The following CMC1 variants were observed in gnomAD, a reference collection of about 807,000 sequenced individuals.
CMC1 encodes COX assembly mitochondrial protein homolog.
CMC1 carries 14 observed loss-of-function variants against 14.1 expected under a neutral mutation model. That is an observed-to-expected ratio of 0.99 (90% confidence interval 0.66 to 1.55). The LOEUF is 1.55. CMC1 is among the 40% of genes most tolerant of loss of function. The pLI is 0.00. For synonymous variants in CMC1, 50 were observed against 38.4 expected, an observed-to-expected ratio of 1.30 and a Z score of -1.12; for missense variants, 127 against 123.8, an observed-to-expected ratio of 1.03 and a Z score of -0.12.
intron 1 of CMC1, among the ~76,000 whole-genome samples, chr3:28,254,047 A>C (rs1200574969): frequency 6.6e-6 from 1 of 152,202 alleles, no homozygotes. Flanking sequence ...GCCAGTGAAA[A>C]AGGTGAAAAT....
chr3:28,283,830 G>A (rs147062390), intron 2 of CMC1, among the ~76,000 whole-genome samples: 2 of 152,234 alleles, frequency 1.3e-5, no homozygotes, highest in Admixed American at 1.3e-4. Flanking sequence ...TACACAGACT[G>A]AACTAGACCA....
At chr3:28,302,218 A>G (rs1051333891) in intron 2 of CMC1, among the ~76,000 whole-genome samples, 4 of 152,198 alleles carry the variant, frequency 2.6e-5, no homozygotes, top group African/African-American at 9.6e-5. Context: ...TGTGTCACTA[A>G]AAACACGGAT....
intron 1 of CMC1, among the ~76,000 whole-genome samples, chr3:28,246,700 T>G (rs111920822): frequency 2.0e-4 from 30 of 152,250 alleles, no homozygotes; most frequent in African/African-American, 7.0e-4. Context: ...TTGCCGTATT[T>G]TCTCTGTTTT....
chr3:28,311,032 A>G (rs1032755719), intron 2 of CMC1, among the ~76,000 whole-genome samples: 2 of 152,212 alleles, frequency 1.3e-5, no homozygotes, highest in Admixed American at 1.3e-4. Context: ...CTAACAGGCC[A>G]TGGAGTAGTA....
intron 2 of CMC1, among the ~76,000 whole-genome samples, chr3:28,265,336 T>C (rs568070074): frequency 2.6e-5 from 4 of 152,272 alleles, no homozygotes; most frequent in Non-Finnish European, 5.9e-5. Context: ...TTTCTAACCA[T>C]ATAAATTAGG....
intron 2 of CMC1, among the ~76,000 whole-genome samples, chr3:28,291,480 CTG>C (rs1227341253): frequency 6.6e-6 from 1 of 152,090 alleles, no homozygotes; most frequent in East Asian, 1.9e-4. Flanking sequence ...TTTATTAGCA[CTG>C]TTACAGATTT....
intron 1 of CMC1, among the ~76,000 whole-genome samples, chr3:28,253,230 A>G (rs916517349): frequency 6.6e-6 from 1 of 152,170 alleles, no homozygotes. Context: ...ATTGTATTGT[A>G]TATCATGCCT....
chr3:28,255,722 T>TACACACAC (rs372487968), intron 1 of CMC1, among the ~76,000 whole-genome samples: 19,769 of 144,154 alleles, frequency 0.14, 1,446 homozygotes, highest in Admixed American at 0.22. Context: ...TACATGTACA[T>TACACACAC]ACACACACAC....
Position 28,324,691 on chromosome 3 carries a change from T to C in CMC1, c.*5062T>C. 1 of 360,172 alleles carries C rather than the reference T, an allele frequency of 2.8e-6. No individual in the cohort carries two copies. The highest frequency in any genetic ancestry group is 5.0e-6 in the Non-Finnish European group (1 of 200,520). 22.3% of individuals were successfully genotyped at this position (360,172 alleles called of 1,614,324 possible). ...TCTCTTAGCTGCTCCTGATGTCTCT[T>C]TCCTTGTCTGCAGAATGGATATAGA... On this transcript the variant is annotated 3_prime_UTR_variant, in exon 4 of 4. Transcript: ENST00000466830.
At chr3:28,271,208 C>T (rs1330543214) in intron 2 of CMC1, among the ~76,000 whole-genome samples, 3 of 152,086 alleles carry the variant, frequency 2.0e-5, no homozygotes, top group African/African-American at 7.2e-5. Context: ...TCCAGTGATT[C>T]TCCAACCTCA....
At chr3:28,318,469 A>C (rs13069305) in intron 3 of CMC1, 1 of 95,134 alleles carries the variant, frequency 1.1e-5, no homozygotes, top group Admixed American at 1.1e-4. Context: ...AATGTTGGTG[A>C]TTCCCCAAGT....
In CMC1 at chr3:28,322,650, G is replaced by A. The variant is rs995580711; in HGVS notation, c.*3021G>A. The A allele has an allele frequency of 6.6e-6, 1 of 151,362 alleles. No individual in the cohort carries two copies. Among genetic ancestry groups the A allele is most frequent in the Non-Finnish European group, 1.5e-5 (1 of 67,372 alleles). 9.4% of individuals were successfully genotyped at this position (151,362 alleles called of 1,614,324 possible). ...CATATTGGGTTTGGTTCTATTACTTGGCAGGAGATTGTACTCCCCTGAGTC... is the reference window on the plus strand; with the variant it reads ...CATATTGGGTTTGGTTCTATTACTTAGCAGGAGATTGTACTCCCCTGAGTC... On this transcript the variant is annotated 3_prime_UTR_variant, in exon 4 of 4. Transcript: ENST00000466830.
intron 2 of CMC1, among the ~76,000 whole-genome samples, chr3:28,273,440 TTTGA>T (rs1163923979): frequency 6.6e-6 from 1 of 152,214 alleles, no homozygotes; most frequent in Admixed American, 6.5e-5. Flanking sequence ...TGAGTTCTAA[TTTGA>T]TTGTGCTGTG....
chr3:28,319,968 A>G lies in CMC1; in HGVS notation c.*339A>G, dbSNP rs1703135173. ...ATGGCTAATCATGGGAGCCAAAACT[A>G]AAGAAAAGCAGGAATGGACAACCTT... is the stretch of plus-strand genomic sequence containing the variant. On this transcript the variant is annotated 3_prime_UTR_variant, in exon 4 of 4. Transcript: ENST00000466830. 1 of 161,766 alleles carries G rather than the reference A, an allele frequency of 6.2e-6. No individual in the cohort carries two copies. Among genetic ancestry groups the G allele is most frequent in the East Asian group, 1.8e-4 (1 of 5,560 alleles). The allele number at this position is 161,766 out of a possible 1,614,324, so 10.0% of individuals were successfully genotyped here. A position where few individuals can be genotyped will look rare whatever the true frequency, so the allele number is the denominator to read the frequency against.
intron 2 of CMC1, among the ~76,000 whole-genome samples, chr3:28,295,883 T>A (rs532586521): frequency 6.6e-6 from 1 of 152,036 alleles, no homozygotes; most frequent in Non-Finnish European, 1.5e-5. Context: ...ATGGTATTTA[T>A]TGGGGGGGAA....
At chr3:28,252,725 G>A (rs1699193283) in intron 1 of CMC1, among the ~76,000 whole-genome samples, 1 of 152,190 alleles carries the variant, frequency 6.6e-6, no homozygotes, top group Admixed American at 6.5e-5. Flanking sequence ...CATGTGCATG[G>A]TGGTGTCATT....
At chr3:28,277,091 TAGAA>T (rs1462457385) in intron 2 of CMC1, among the ~76,000 whole-genome samples, 9 of 152,178 alleles carry the variant, frequency 5.9e-5, no homozygotes, top group Admixed American at 1.3e-4. Flanking sequence ...TTTTGGGAGA[TAGAA>T]AGTATAGAAT....
rs1698611533 is a variant in CMC1, at chr3:28,243,035, AG to A, written c.19+1225del. Among the ~76,000 whole-genome samples, 9 of 152,088 alleles carry A rather than the reference AG, an allele frequency of 5.9e-5. 2 individuals are homozygous for A. The South Asian group carries it at 1.9e-3, about 32-fold the overall frequency. On this transcript the variant is annotated intron_variant, in intron 1 of 3. Transcript: ENST00000466830. ...GGGTGAGTAAGGAAGGTTCAAGTTT[AG>A]GCCCATATAATTTATGGTATCTTTT...
chr3:28,273,281 G>T (rs1700392768), intron 2 of CMC1, among the ~76,000 whole-genome samples: 1 of 152,038 alleles, frequency 6.6e-6, no homozygotes, highest in South Asian at 2.1e-4. Flanking sequence ...CAGAGGTTCT[G>T]GTATGTTGTC....
Sources: gnomAD v4.1 joint callset for allele counts (sites outside exome capture counted in the v4.1 genomes callset) on GRCh38, gnomAD v4.1.1 for gene constraint, MANE v1.5 for transcripts, NCBI Gene and HGNC (gene_info 2026-07-23, HGNC 2026-07-21) for gene names.